The following FABP7 variants were observed in gnomAD, a reference collection of about 807,000 sequenced individuals.
The protein encoded by FABP7 is fatty acid-binding protein, brain.
In FABP7, 13 loss-of-function variants were observed where a neutral mutation model predicts 14.2. The observed-to-expected ratio is 0.91, with a 90% CI of 0.59 to 1.45. FABP7 has a LOEUF of 1.45. Among genes scored for constraint, FABP7 ranks in the 40% most tolerant of loss-of-function variants. The pLI, the probability that FABP7 is intolerant of heterozygous loss-of-function variation, is 0.00. For missense variants in FABP7, 149 were observed against 157.6 expected (o/e 0.95, Z 0.29); for synonymous variants, 49 against 51.4 (o/e 0.95, Z 0.20).
rs1043263748 is a variant in FABP7 at position 122,783,969 on chromosome 6, A to C, written c.*202A>C. On this transcript the variant is annotated 3_prime_UTR_variant, in exon 4 of 4. Transcript: ENST00000368444. The stretch of plus-strand genomic sequence containing the variant: ...AAATTTATCATGTTTTATAATTTGA[A>C]TTAAAGTTTTGTCCCCCCCCCCCTT... 2.7e-5 allele frequency: 11 copies of C among 408,620 alleles called. No individual in the cohort carries two copies. The highest frequency in any genetic ancestry group is 2.5e-4 in the African/African-American group (11 of 44,170). 25.3% of individuals were successfully genotyped at this position (408,620 alleles called of 1,614,324 possible).
chr6:122,760,933 TTAAC>T, the FABP7 span, among the ~76,000 whole-genome samples: 1 of 152,172 alleles, frequency 6.6e-6, no homozygotes, highest in East Asian at 1.9e-4. Context: ...TGGTTCCTCA[TTAAC>T]TAATCAGATT....
chr6:122,758,628 A>G, the FABP7 span, among the ~76,000 whole-genome samples: 1 of 152,170 alleles, frequency 6.6e-6, no homozygotes, highest in Non-Finnish European at 1.5e-5. Context: ...ATTTATGTCC[A>G]TTGTTCCTGA....
the FABP7 span, among the ~76,000 whole-genome samples, chr6:122,755,843 T>A: frequency 1.3e-5 from 2 of 151,984 alleles, no homozygotes; most frequent in African/African-American, 4.8e-5. Context: ...AAACGACAGA[T>A]GAAAAAATTC....
At chr6:122,753,062 T>C in the FABP7 span, among the ~76,000 whole-genome samples, 1 of 152,214 alleles carries the variant, frequency 6.6e-6, no homozygotes, top group Non-Finnish European at 1.5e-5. Flanking sequence ...AGCAGCTCTC[T>C]GAAAAAAATT....
chr6:122,781,612 A>G, intron 3 of FABP7: 2 of 1,137,620 alleles, frequency 1.8e-6, no homozygotes, highest in Non-Finnish European at 2.2e-6. Flanking sequence ...TCCTGTAATA[A>G]GAGATCTTTA....
chr6:122,761,530 G>A, the FABP7 span, among the ~76,000 whole-genome samples: 5 of 151,994 alleles, frequency 3.3e-5, no homozygotes, highest in Non-Finnish European at 7.4e-5. Flanking sequence ...TTTCAATATA[G>A]GGCAGTCAAA....
At chr6:122,779,164 C>T (rs1356923940), upstream of FABP7, among the ~76,000 whole-genome samples, 6 of 152,114 alleles carry the variant, frequency 3.9e-5, no homozygotes, top group Admixed American at 2.0e-4. Flanking sequence ...ACCTCCTCCC[C>T]GCCCTCTTTT....
upstream of FABP7, among the ~76,000 whole-genome samples, chr6:122,777,726 G>A (rs75107003): frequency 1.9e-3 from 282 of 152,138 alleles, 1 homozygote; most frequent in African/African-American, 6.1e-3. Flanking sequence ...GTACATGTCT[G>A]TTGTCCCAAC....
chr6:122,775,094 C>T (rs1427221938), upstream of FABP7, among the ~76,000 whole-genome samples: 1 of 152,000 alleles, frequency 6.6e-6, no homozygotes. Context: ...AAATGATCTA[C>T]AGATTTAATG....
chr6:122,781,991 C>G (rs7752370), intron 3 of FABP7: 1 of 864,560 alleles, frequency 1.2e-6, no homozygotes, highest in African/African-American at 1.8e-5. Context: ...GTGATGCTCC[C>G]GCCTGCTGCC....
rs199657149 is a variant in FABP7, at chr6:122,783,991, CCT to C, written c.*225_*226del. ...TGAATTAAAGTTTTGTCCCCCCCCC[CCT>C]TTTTTTTATAAACAAGTGAATACAT... is the stretch of plus-strand genomic sequence containing the variant. On this transcript the variant is annotated 3_prime_UTR_variant, in exon 4 of 4. Coordinates refer to ENST00000368444, the MANE Select transcript of FABP7 (RefSeq NM_001446.5). 500 of 357,450 alleles carry C rather than the reference CCT, an allele frequency of 1.4e-3. 10 individuals are homozygous for C. The East Asian group carries it at 0.017, about 12-fold the overall frequency. 22.1% of individuals were successfully genotyped at this position (357,450 alleles called of 1,614,324 possible). A position where few individuals can be genotyped will look rare whatever the true frequency, so the allele number is the denominator to read the frequency against.
upstream of FABP7, among the ~76,000 whole-genome samples, chr6:122,777,540 T>C (rs1211580817): frequency 1.3e-5 from 2 of 152,204 alleles, no homozygotes; most frequent in Non-Finnish European, 2.9e-5. Context: ...ACAGACTCTT[T>C]GTGTCAATAA....
upstream of FABP7, among the ~76,000 whole-genome samples, chr6:122,776,149 A>C (rs1780669236): frequency 6.6e-6 from 1 of 152,158 alleles, no homozygotes; most frequent in African/African-American, 2.4e-5. Context: ...GAACTACCAT[A>C]TGATGCAATA....
At chr6:122,753,457 C>T in the FABP7 span, among the ~76,000 whole-genome samples, 4 of 152,024 alleles carry the variant, frequency 2.6e-5, no homozygotes, top group Non-Finnish European at 5.9e-5. Flanking sequence ...TATCTAGAAC[C>T]GTATTGACCT....
At chr6:122,771,692 A>T in the FABP7 span, among the ~76,000 whole-genome samples, 3 of 152,204 alleles carry the variant, frequency 2.0e-5, no homozygotes, top group Non-Finnish European at 4.4e-5. Flanking sequence ...AAAAACCTAA[A>T]AACAGTGAGC....
the FABP7 span, among the ~76,000 whole-genome samples, chr6:122,752,960 C>T: frequency 2.7e-3 from 405 of 152,216 alleles, 3 homozygotes; most frequent in African/African-American, 7.5e-3. Flanking sequence ...TTGTTTTTTG[C>T]TGTGGTTTCT....
At chr6:122,777,170 G>T (rs1272501304), upstream of FABP7, among the ~76,000 whole-genome samples, 1 of 152,126 alleles carries the variant, frequency 6.6e-6, no homozygotes, top group African/African-American at 2.4e-5. Flanking sequence ...AAAGGAAAAT[G>T]ATTTATTATA....
chr6:122,750,260 AT>A, the FABP7 span, among the ~76,000 whole-genome samples: 1 of 152,174 alleles, frequency 6.6e-6, no homozygotes, highest in South Asian at 2.1e-4. Context: ...ATGAAATAGT[AT>A]TCAAGCTTTG....
chr6:122,749,794 CAAG>C, the FABP7 span, among the ~76,000 whole-genome samples: 2 of 152,190 alleles, frequency 1.3e-5, no homozygotes, highest in African/African-American at 2.4e-5. Context: ...TTCTCACAGA[CAAG>C]AAGAAGGCAG....
Sources: gnomAD v4.1 joint callset for allele counts (sites outside exome capture counted in the v4.1 genomes callset) on GRCh38, gnomAD v4.1.1 for gene constraint, MANE v1.5 for transcripts, NCBI Gene and HGNC (gene_info 2026-07-23, HGNC 2026-07-21) for gene names.